PLAGL1: variants seen among roughly 807,000 people sequenced by gnomAD.
The protein encoded by PLAGL1 is PLAG1 like zinc finger 1.
Under a neutral mutation model 4.6 loss-of-function variants are expected in PLAGL1, and 1 was observed. The observed-to-expected ratio is 0.22, with a 90% CI of 0.08 to 1.03. The LOEUF is 1.03. Among genes scored for constraint, PLAGL1 ranks in the 50% least tolerant of loss-of-function variants. The pLI is 0.58. For missense variants in PLAGL1, 464 were observed against 570.4 expected (o/e 0.81, Z 1.90); for synonymous variants, 240 against 237.8 (o/e 1.01, Z -0.08).
Position 143,959,332 on chromosome 6 carries a change from C to T in PLAGL1, c.-325+1137G>A, listed in dbSNP as rs2128552569. Among the ~76,000 whole-genome samples the T allele has an allele frequency of 6.6e-6, 1 of 152,248 alleles. No homozygotes were observed. The highest frequency in any genetic ancestry group is 1.5e-5 in the Non-Finnish European group (1 of 68,016). On this transcript the variant is annotated intron_variant, in intron 6 of 7. Transcript: ENST00000674357. The surrounding 1 kb of genome is among the most constrained non-coding windows in gnomAD (Gnocchi z 5.3). ...CAGCCCATGGACTCGCCACTGAATA[C>T]TTCGGCAGACACATTCCAGGATCTT... is the stretch of plus-strand genomic sequence containing the variant.
chr6:144,039,997 TCAA>T lies in PLAGL1; in HGVS notation c.-151+24468_-151+24470del, dbSNP rs1033082177. 6.6e-6 allele frequency among the ~76,000 whole-genome samples: 1 copy of T among 152,072 alleles called. No individual in the cohort carries two copies. Among genetic ancestry groups the T allele is most frequent in the Non-Finnish European group, 1.5e-5 (1 of 68,014 alleles). ...TATCATATAATTCCATGTACAACAT[TCAA>T]CAACAAGCAAAACTAAACATATACA... is the stretch of plus-strand genomic sequence containing the variant. On this transcript the variant is annotated intron_variant, in intron 1 of 3. Transcript: ENST00000437412. The surrounding 1 kb of genome is among the most constrained non-coding windows in gnomAD (Gnocchi z 4.1).
At chr6:144,038,559 C>T (rs747932940) in intron 1 of PLAGL1, among the ~76,000 whole-genome samples, 2 of 151,834 alleles carry the variant, frequency 1.3e-5, no homozygotes, top group Non-Finnish European at 2.9e-5. Context: ...GACAAGGATG[C>T]CAAGACAATT....
At position 144,013,497 on chromosome 6, in the gene PLAGL1, T is replaced by C. The variant is rs541903476; in HGVS notation, c.-150-44519A>G. ...GCTATATTTTATCCTATAGCTGCCATAACAAATTACCACAAACTGGTGGCA... is the reference window on the plus strand; with the variant it reads ...GCTATATTTTATCCTATAGCTGCCACAACAAATTACCACAAACTGGTGGCA... On this transcript the variant is annotated intron_variant, in intron 1 of 3. Coordinates refer to the PLAGL1 transcript ENST00000437412. The surrounding 1 kb of genome is among the most constrained non-coding windows in gnomAD (Gnocchi z 4.4). 1.3e-5 allele frequency among the ~76,000 whole-genome samples: 2 copies of C among 152,352 alleles called. No homozygotes were observed. The highest frequency in any genetic ancestry group is 2.9e-5 in the Non-Finnish European group (2 of 68,012).
chr6:143,958,745 A>C lies in PLAGL1; in HGVS notation c.-325+1724T>G, dbSNP rs188973146. Among the ~76,000 whole-genome samples the C allele has an allele frequency of 2.6e-5, 4 of 152,212 alleles. No homozygotes were observed. Among genetic ancestry groups the C allele is most frequent in the Admixed American group, 1.3e-4 (2 of 15,284 alleles). On this transcript the variant is annotated intron_variant, in intron 6 of 7. Coordinates refer to ENST00000674357, the MANE Select transcript of PLAGL1 (RefSeq NM_001317162.2). The surrounding 1 kb of genome is among the most constrained non-coding windows in gnomAD (Gnocchi z 5.1). ...TTCTTTTTAAACTGATTAACATTTC[A>C]TCAGGTTTCCATTTTAAAAGAAAAT...
intron 1 of PLAGL1, among the ~76,000 whole-genome samples, chr6:144,019,923 C>G (rs1795850327): frequency 6.6e-6 from 1 of 152,104 alleles, no homozygotes; most frequent in South Asian, 2.1e-4. Context: ...CCAAGGTATG[C>G]CTAATATTGA....
At position 143,990,151 on chromosome 6, in the gene PLAGL1, T is replaced by C. The variant is rs2128628921; in HGVS notation, c.-583-4977A>G. On this transcript the variant is annotated intron_variant, in intron 1 of 7. Coordinates refer to ENST00000674357, the MANE Select transcript of PLAGL1 (RefSeq NM_001317162.2). This position sits in a 1 kb window ranked among gnomAD's most constrained non-coding sequence, Gnocchi z 5.4. ...TTTTTTTCTTTTTTGAGATGGAGTC[T>C]CGCTCTGTTGCCAGACTGGAGTGCA... 1.3e-5 allele frequency among the ~76,000 whole-genome samples: 2 copies of C among 152,060 alleles called. 1 individual carries two copies. Among genetic ancestry groups the C allele is most frequent in the Admixed American group, 1.3e-4 (2 of 15,258 alleles).
chr6:143,980,771 T>C (rs1322037776), intron 2 of PLAGL1, among the ~76,000 whole-genome samples: 1 of 152,216 alleles, frequency 6.6e-6, no homozygotes. Context: ...ATGCTACATA[T>C]TGCATACTTT....
chr6:143,983,092 ATGTAAC>A lies in PLAGL1; in HGVS notation c.-544+2037_-544+2042del, dbSNP rs1788304696. On this transcript the variant is annotated intron_variant, in intron 2 of 7. Transcript: ENST00000674357. This position sits in a 1 kb window ranked among gnomAD's most constrained non-coding sequence, Gnocchi z 6.6. ...ATGTTTGGAGGTCAGGACAATGAGG[ATGTAAC>A]TGCAAGAAAGATAAGAGTAGTCACA... 6.6e-6 allele frequency among the ~76,000 whole-genome samples: 1 copy of A among 152,190 alleles called. No individual in the cohort carries two copies. Among genetic ancestry groups the A allele is most frequent in the African/African-American group, 2.4e-5 (1 of 41,446 alleles).
chr6:144,030,776 T>G (rs748173597), intron 1 of PLAGL1, among the ~76,000 whole-genome samples: 88 of 152,352 alleles, frequency 5.8e-4, no homozygotes, highest in Non-Finnish European at 1.0e-3. Flanking sequence ...TTCCATATTT[T>G]TGCAATTGTG....
intron 1 of PLAGL1, among the ~76,000 whole-genome samples, chr6:144,052,729 A>C (rs982303425): frequency 6.6e-6 from 1 of 152,132 alleles, no homozygotes; most frequent in Admixed American, 6.5e-5. Context: ...TACTAAACCA[A>C]AAAAAGAAAA....
At chr6:144,003,929 G>A (rs922220732) in intron 1 of PLAGL1, among the ~76,000 whole-genome samples, 8 of 152,128 alleles carry the variant, frequency 5.3e-5, no homozygotes, top group African/African-American at 1.7e-4. Context: ...GTCTACCAAC[G>A]GAAGTTGGAA....
In PLAGL1 at chr6:143,995,987, G is replaced by A. The variant is rs1998017; in HGVS notation, c.-583-10813C>T. ...TATCAAGGATAAAGGATGGTCAGGA[G>A]CTCAACCAAAACCAAAAACGGTTTA... On this transcript the variant is annotated intron_variant, in intron 1 of 7. Coordinates refer to ENST00000674357, the MANE Select transcript of PLAGL1 (RefSeq NM_001317162.2). The surrounding 1 kb of genome is among the most constrained non-coding windows in gnomAD (Gnocchi z 4.4). Among the ~76,000 whole-genome samples the A allele has an allele frequency of 0.12, 17,661 of 152,144 alleles. 1,318 individuals are homozygous for A. Among genetic ancestry groups the A allele is most frequent in the Non-Finnish European group, 0.16 (10,713 of 67,998 alleles).
chr6:144,023,360 T>C (rs1445780929), intron 1 of PLAGL1, among the ~76,000 whole-genome samples: 2 of 152,034 alleles, frequency 1.3e-5, no homozygotes, highest in African/African-American at 4.8e-5. Context: ...CAGAATTTTA[T>C]AGCACAAAGG....
At chr6:144,052,185 T>C (rs1798627148) in intron 1 of PLAGL1, among the ~76,000 whole-genome samples, 1 of 152,172 alleles carries the variant, frequency 6.6e-6, no homozygotes, top group African/African-American at 2.4e-5. Flanking sequence ...AGGTAAGTGA[T>C]CCTGACAGAT....
At chr6:144,062,380 C>CA (rs60916927) in intron 1 of PLAGL1, among the ~76,000 whole-genome samples, 24,691 of 85,794 alleles carry the variant, frequency 0.29, 2,192 homozygotes, top group East Asian at 0.46. Context: ...CCGTCTCAAA[C>CA]AAAAAAAAAA....
rs1798473176 is a variant in PLAGL1 at position 144,050,087 on chromosome 6, A to G, written c.-151+14381T>C. 6.6e-6 allele frequency among the ~76,000 whole-genome samples: 1 copy of G among 152,012 alleles called. No individual in the cohort carries two copies. The highest frequency in any genetic ancestry group is 1.5e-5 in the Non-Finnish European group (1 of 68,008). On this transcript the variant is annotated intron_variant, in intron 1 of 3. Coordinates refer to the PLAGL1 transcript ENST00000437412. This position sits in a 1 kb window ranked among gnomAD's most constrained non-coding sequence, Gnocchi z 4.3. ...CTCGGCTTTTTGAATGAAGTAGGAGAGTAGTTATTTTTCATGAAAGCAAGT... is the reference window on the plus strand; with the variant it reads ...CTCGGCTTTTTGAATGAAGTAGGAGGGTAGTTATTTTTCATGAAAGCAAGT...
At chr6:144,062,493 A>C (rs1030693160) in intron 1 of PLAGL1, among the ~76,000 whole-genome samples, 46 of 144,628 alleles carry the variant, frequency 3.2e-4, no homozygotes, top group Non-Finnish European at 6.2e-4. Flanking sequence ...AAAAAAAAAA[A>C]AACACAGATT....
At chr6:144,043,003 G>T (rs1797856623) in intron 1 of PLAGL1, among the ~76,000 whole-genome samples, 1 of 152,194 alleles carries the variant, frequency 6.6e-6, no homozygotes, top group South Asian at 2.1e-4. Context: ...AGGAATGCTT[G>T]TGATTTTTCC....
rs1171050545 is a variant in PLAGL1 at position 143,960,786 on chromosome 6, AG to A, written c.-398-245del. On this transcript the variant is annotated intron_variant, in intron 5 of 7. Transcript: ENST00000674357. The surrounding 1 kb of genome is among the most constrained non-coding windows in gnomAD (Gnocchi z 5.7). ...CCTGCTTTATGCAAGTGGAAAAAAA[AG>A]AACACACAAAATTGCTTACATAATA... 1 of 152,244 alleles carries A rather than the reference AG, an allele frequency of 6.6e-6. No individual in the cohort carries two copies. Among genetic ancestry groups the A allele is most frequent in the Non-Finnish European group, 1.5e-5 (1 of 68,030 alleles). The allele number at this position is 152,244 out of a possible 1,614,324, so 9.4% of individuals were successfully genotyped here. A position where few individuals can be genotyped will look rare whatever the true frequency, so the allele number is the denominator to read the frequency against.
Sources: allele counts gnomAD v4.1 joint callset (sites outside exome capture counted in the v4.1 genomes callset), GRCh38; gene constraint gnomAD v4.1.1; non-coding constraint Gnocchi (gnomAD v3.1); transcripts MANE v1.5; gene names NCBI Gene and HGNC (gene_info 2026-07-23, HGNC 2026-07-21).